Variants in PCSK5 observed in about 807,000 individuals in gnomAD.
PCSK5 encodes prohormone convertase 5.
In PCSK5, 129 loss-of-function variants were observed where a neutral mutation model predicts 233.2. That is an observed-to-expected ratio of 0.55 (90% CI 0.48 to 0.64). The LOEUF is 0.64. Ranked by LOEUF, PCSK5 falls within the 30% of genes least tolerant of loss-of-function variation. The pLI, the probability that PCSK5 is intolerant of heterozygous loss-of-function variation, is 0.00. For missense variants in PCSK5, 2,076 were observed against 2,430.1 expected (o/e 0.85, Z 3.06); for synonymous variants, 825 against 879.2 (o/e 0.94, Z 1.09).
chr9:76,299,958 AT>A (rs1450710075), intron 27 of PCSK5, among the ~76,000 whole-genome samples: 1 of 152,180 alleles, frequency 6.6e-6, no homozygotes, highest in Non-Finnish European at 1.5e-5. Context: ...CTTACCTCAT[AT>A]TTCCATCATT....
chr9:76,358,708 C>T lies in PCSK5; in HGVS notation c.5450C>T (p.Ser1817Phe). Residue 1817 changes from serine to phenylalanine, a missense_variant, in exon 38 of 38, where the codon TCC (serine) becomes TTC (phenylalanine). Ser to Phe is a radical substitution (Grantham distance 155). Transcript: ENST00000674117. ...EKLADPNKSY[S>F]SYKSSYREST... ...CTGGCCGACCCCAACAAGTCTTACT[C>T]CTCCTATAAGAGCAGCTATAGAGAG... The T allele has an allele frequency of 6.2e-7, 1 of 1,612,852 alleles. No homozygotes were observed. The highest frequency in any genetic ancestry group is 8.5e-7 in the Non-Finnish European group (1 of 1,179,884).
chr9:76,193,173 A>C, intron 20 of PCSK5: 1 of 1,435,844 alleles, frequency 7.0e-7, no homozygotes, highest in Non-Finnish European at 9.6e-7. Context: ...ACCTTCTTCC[A>C]TGTGTGTACA....
chr9:76,152,856 C>G (rs975154775), intron 10 of PCSK5, among the ~76,000 whole-genome samples: 1 of 152,210 alleles, frequency 6.6e-6, no homozygotes, highest in Non-Finnish European at 1.5e-5. Context: ...TGCTTTCAAA[C>G]TATGCAATTA....
In PCSK5 at chr9:76,332,626, A is replaced by C. The variant is rs753699346; in HGVS notation, c.4748+16A>C. ...GCAGGGAAGGGTAAGTGCTCAATAC[A>C]TTTTCCCCCATGTAATTTCACAGCC... On this transcript the variant is annotated intron_variant, in intron 34 of 37. Coordinates refer to ENST00000674117, the MANE Select transcript of PCSK5 (RefSeq NM_001372043.1). 4 of 1,530,780 alleles carry C rather than the reference A, an allele frequency of 2.6e-6. No individual in the cohort carries two copies. In the South Asian group the frequency reaches 4.8e-5, roughly 18 times the overall value. 94.8% of individuals were successfully genotyped at this position (1,530,780 alleles called of 1,614,324 possible). A position where few individuals can be genotyped will look rare whatever the true frequency, so the allele number is the denominator to read the frequency against.
rs948188682 is a variant in PCSK5, at chr9:76,261,422, A to C, written c.3142+20738A>C. 3.9e-5 allele frequency among the ~76,000 whole-genome samples: 6 copies of C among 152,340 alleles called. No homozygotes were observed. In the East Asian group the frequency reaches 5.8e-4, roughly 15 times the overall value. On this transcript the variant is annotated intron_variant, in intron 24 of 37. Coordinates refer to ENST00000674117, the MANE Select transcript of PCSK5 (RefSeq NM_001372043.1). The stretch of plus-strand genomic sequence containing the variant: ...AAGAACTGAAAAATGACTCTGGTAA[A>C]GCTGCAGGATAGAAAATCAATGTAC...
At chr9:76,024,791 G>A (rs1195456504) in intron 4 of PCSK5, among the ~76,000 whole-genome samples, 1 of 152,146 alleles carries the variant, frequency 6.6e-6, no homozygotes. Flanking sequence ...GGACCTGGTG[G>A]GTAAGAGAGA....
At chr9:76,171,167 C>G (rs1406284185) in intron 13 of PCSK5, among the ~76,000 whole-genome samples, 2 of 152,216 alleles carry the variant, frequency 1.3e-5, no homozygotes, top group Non-Finnish European at 2.9e-5. Flanking sequence ...CCCAGAGTTT[C>G]TAGACCCTTT....
chr9:76,095,458 A>G (rs1420881976), intron 7 of PCSK5, among the ~76,000 whole-genome samples: 2 of 152,184 alleles, frequency 1.3e-5, no homozygotes, highest in Non-Finnish European at 2.9e-5. Context: ...TCTGGGTTCA[A>G]ATTTTGGCCC....
chr9:76,049,130 G>A (rs1829532467), intron 5 of PCSK5, among the ~76,000 whole-genome samples: 1 of 151,834 alleles, frequency 6.6e-6, no homozygotes. Context: ...AAGAAAAAAG[G>A]AGACATGTCA....
chr9:76,060,138 T>C (rs1012959509), intron 5 of PCSK5, among the ~76,000 whole-genome samples: 1 of 152,280 alleles, frequency 6.6e-6, no homozygotes, highest in South Asian at 2.1e-4. Flanking sequence ...GAGCAAAGAA[T>C]GTACACTTGA....
chr9:76,098,887 C>T (rs542725533), intron 8 of PCSK5, among the ~76,000 whole-genome samples: 9 of 152,202 alleles, frequency 5.9e-5, no homozygotes, highest in South Asian at 2.1e-4. Context: ...GTGTGGTTGC[C>T]GCTGTGACTC....
intron 35 of PCSK5, among the ~76,000 whole-genome samples, chr9:76,346,324 T>C (rs995641539): frequency 6.6e-6 from 1 of 152,200 alleles, no homozygotes; most frequent in African/African-American, 2.4e-5. Context: ...ATGTCTTTAG[T>C]TGGGTTTGAG....
intron 24 of PCSK5, among the ~76,000 whole-genome samples, chr9:76,277,561 C>T (rs1227229211): frequency 6.6e-6 from 1 of 152,236 alleles, no homozygotes; most frequent in Non-Finnish European, 1.5e-5. Context: ...CACCCTGTCC[C>T]TCCAGGGAGT....
chr9:75,941,578 C>CT (rs1433148807), intron 2 of PCSK5, among the ~76,000 whole-genome samples: 1 of 152,088 alleles, frequency 6.6e-6, no homozygotes, highest in East Asian at 1.9e-4. Context: ...TTCTGGCTAC[C>CT]TTTTTTGCCA....
At chr9:76,357,999 C>A (rs1830344302) in intron 37 of PCSK5, among the ~76,000 whole-genome samples, 1 of 152,044 alleles carries the variant, frequency 6.6e-6, no homozygotes, top group African/African-American at 2.4e-5. Context: ...AAGCTTAGTC[C>A]AAGATGAAGT....
intron 3 of PCSK5, among the ~76,000 whole-genome samples, chr9:75,998,785 C>A (rs1002094227): frequency 2.0e-5 from 3 of 152,196 alleles, no homozygotes; most frequent in Non-Finnish European, 4.4e-5. Context: ...GGCCAGTATT[C>A]TTTCATTTAT....
intron 2 of PCSK5, among the ~76,000 whole-genome samples, chr9:75,972,320 C>T (rs1249015006): frequency 1.3e-5 from 2 of 152,264 alleles, no homozygotes; most frequent in Non-Finnish European, 2.9e-5. Context: ...CGTGATGCCT[C>T]CAGCATTGTT....
chr9:76,254,136 T>C (rs1420467552), intron 24 of PCSK5, among the ~76,000 whole-genome samples: 2 of 152,154 alleles, frequency 1.3e-5, no homozygotes, highest in Non-Finnish European at 2.9e-5. Flanking sequence ...TACCTCCTGC[T>C]TACGTATTTT....
rs1412315945 is a variant in PCSK5, at chr9:76,045,932, C to CTTA, written c.632+18895_632+18896insTTA. 3.9e-5 allele frequency among the ~76,000 whole-genome samples: 6 copies of CTTA among 152,020 alleles called. No individual in the cohort carries two copies. In the South Asian group the frequency reaches 6.2e-4, roughly 16 times the overall value. On this transcript the variant is annotated intron_variant, in intron 5 of 37. Transcript: ENST00000674117. ...TTCTGAGAGATTGTTAGTTAATTTG[C>CTTA]CATAAGGGTTTTCCATTTCTGCAAT...
Sources: allele counts gnomAD v4.1 joint callset (sites outside exome capture counted in the v4.1 genomes callset), GRCh38; gene constraint gnomAD v4.1.1; transcripts MANE v1.5; gene names NCBI Gene and HGNC (gene_info 2026-07-23, HGNC 2026-07-21).